The following SAMMSON variants were observed in gnomAD, a reference collection of about 807,000 sequenced individuals.
SAMMSON encodes long intergenic non-protein coding RNA 1212.
chr3:70,367,127 T>C (rs1355184734), intron 9 of SAMMSON, among the ~76,000 whole-genome samples: 2 of 151,636 alleles, frequency 1.3e-5, no homozygotes, highest in East Asian at 1.9e-4. Context: ...AATTGAGATA[T>C]CTTTCCATCA....
At chr3:70,030,113 A>AT (rs1211391590) in intron 3 of SAMMSON, among the ~76,000 whole-genome samples, 1 of 152,186 alleles carries the variant, frequency 6.6e-6, no homozygotes, top group African/African-American at 2.4e-5. Context: ...TTGGTTTAAT[A>AT]TTTTTGCCAA....
chr3:70,053,738 T>C (rs1352213330), intron 3 of SAMMSON, among the ~76,000 whole-genome samples: 1 of 152,148 alleles, frequency 6.6e-6, no homozygotes, highest in Non-Finnish European at 1.5e-5. Context: ...TGGGGGTCTT[T>C]CTTTTTTTCA....
intron 7 of SAMMSON, among the ~76,000 whole-genome samples, chr3:70,326,043 A>C (rs1038360749): frequency 1.3e-5 from 2 of 152,154 alleles, no homozygotes; most frequent in African/African-American, 2.4e-5. Flanking sequence ...ATTTTATTTC[A>C]GTCAAAGCCT....
At chr3:70,076,932 A>T in intron 4 of SAMMSON, among the ~76,000 whole-genome samples, 1 of 152,142 alleles carries the variant, frequency 6.6e-6, no homozygotes, top group East Asian at 1.9e-4. Context: ...CAAAATACAG[A>T]TATGTTGTTA....
At chr3:70,170,805 G>A (rs1041003337) in intron 4 of SAMMSON, among the ~76,000 whole-genome samples, 2 of 151,830 alleles carry the variant, frequency 1.3e-5, no homozygotes, top group African/African-American at 4.8e-5. Flanking sequence ...AGAAAAATTA[G>A]CGAGTGCAGA....
chr3:70,167,632 G>T (rs1427014902), intron 4 of SAMMSON, among the ~76,000 whole-genome samples: 3 of 151,824 alleles, frequency 2.0e-5, no homozygotes, highest in Non-Finnish European at 4.4e-5. Context: ...TCTACTGGGA[G>T]ATCTTTATCT....
chr3:70,319,398 T>C (rs899496303), intron 7 of SAMMSON, among the ~76,000 whole-genome samples: 25 of 152,206 alleles, frequency 1.6e-4, no homozygotes, highest in African/African-American at 6.0e-4. Context: ...CTTCTTCATA[T>C]ATTTTGTCTG....
intron 4 of SAMMSON, among the ~76,000 whole-genome samples, chr3:70,081,058 T>A (rs9843437): frequency 1.3e-5 from 2 of 152,218 alleles, no homozygotes; most frequent in African/African-American, 4.8e-5. Flanking sequence ...TCATTGATAC[T>A]GTCACCATCT....
At chr3:70,151,153 A>C (rs974423786) in intron 4 of SAMMSON, among the ~76,000 whole-genome samples, 2 of 152,142 alleles carry the variant, frequency 1.3e-5, no homozygotes, top group South Asian at 2.1e-4. Context: ...AAAAGGAGAA[A>C]ACTGAGGTAA....
At chr3:70,004,942 C>CA in intron 1 of SAMMSON, among the ~76,000 whole-genome samples, 2 of 152,306 alleles carry the variant, frequency 1.3e-5, no homozygotes, top group African/African-American at 4.8e-5. Context: ...TTACTGATGA[C>CA]AAAATGGAAG....
intron 4 of SAMMSON, among the ~76,000 whole-genome samples, chr3:70,233,850 G>C (rs2106746811): frequency 6.6e-6 from 1 of 152,242 alleles, no homozygotes; most frequent in East Asian, 1.9e-4. Context: ...ATATTTAGTT[G>C]CATGAATATA....
At chr3:70,316,520 G>A (rs1220930078) in intron 7 of SAMMSON, among the ~76,000 whole-genome samples, 1 of 152,028 alleles carries the variant, frequency 6.6e-6, no homozygotes, top group African/African-American at 2.4e-5. Context: ...TGGAATCTCT[G>A]TTGTTCAGTA....
intron 3 of SAMMSON, among the ~76,000 whole-genome samples, chr3:70,050,396 C>T (rs1474453028): frequency 1.3e-5 from 2 of 152,072 alleles, no homozygotes; most frequent in African/African-American, 2.4e-5. Flanking sequence ...TCCAGTACAG[C>T]AGAGCAGCTC....
chr3:70,185,794 G>C (rs1367359412), intron 4 of SAMMSON, among the ~76,000 whole-genome samples: 2 of 121,474 alleles, frequency 1.6e-5, no homozygotes, highest in Non-Finnish European at 3.3e-5. Context: ...AGCATAGCAA[G>C]ACCCCGCCTC....
At chr3:70,010,642 C>T (rs144527199) in intron 1 of SAMMSON, among the ~76,000 whole-genome samples, 1 of 152,174 alleles carries the variant, frequency 6.6e-6, no homozygotes, top group East Asian at 1.9e-4. Context: ...TAATTGGCTC[C>T]AGAGTGGCGT....
chr3:70,026,697 A>G (rs1183702208), intron 3 of SAMMSON, among the ~76,000 whole-genome samples: 1 of 152,168 alleles, frequency 6.6e-6, no homozygotes, highest in African/African-American at 2.4e-5. Flanking sequence ...ATTCATGTTG[A>G]TGATCACGCA....
At chr3:70,217,512 T>C in intron 4 of SAMMSON, among the ~76,000 whole-genome samples, 1 of 152,162 alleles carries the variant, frequency 6.6e-6, no homozygotes, top group East Asian at 1.9e-4. Context: ...CTGAGCTTTC[T>C]AGGTTTTACC....
chr3:70,350,071 T>C (rs988298311), intron 7 of SAMMSON, among the ~76,000 whole-genome samples: 14 of 152,226 alleles, frequency 9.2e-5, no homozygotes, highest in African/African-American at 2.9e-4. Flanking sequence ...ACATGAGTGC[T>C]GGTGACACAC....
intron 4 of SAMMSON, among the ~76,000 whole-genome samples, chr3:70,235,070 T>G (rs1701594386): frequency 6.6e-6 from 1 of 152,196 alleles, no homozygotes; most frequent in Non-Finnish European, 1.5e-5. Context: ...TGATTGCACT[T>G]TGCTGCAGAA....
Sources: allele counts gnomAD v4.1 joint callset (sites outside exome capture counted in the v4.1 genomes callset), GRCh38; gene constraint gnomAD v4.1.1; transcripts MANE v1.5; gene names NCBI Gene and HGNC (gene_info 2026-07-23, HGNC 2026-07-21).